Variants in LOC128462377 observed in about 807,000 individuals in gnomAD.
chr16:89,331,068 C>G, the LOC128462377 span, among the ~76,000 whole-genome samples: 2 of 152,198 alleles, frequency 1.3e-5, no homozygotes, highest in Non-Finnish European at 2.9e-5. Context: ...ATTCTCCTGC[C>G]TCAGCCTCCT....
chr16:89,322,066 G>A, the LOC128462377 span, among the ~76,000 whole-genome samples: 1 of 152,200 alleles, frequency 6.6e-6, no homozygotes, highest in East Asian at 1.9e-4. Flanking sequence ...GCTTTATGTG[G>A]TCAGGAAGGC....
At chr16:89,409,111 C>T in the LOC128462377 span, among the ~76,000 whole-genome samples, 4 of 152,158 alleles carry the variant, frequency 2.6e-5, no homozygotes, top group Non-Finnish European at 4.4e-5. Flanking sequence ...GCCAGTGAGC[C>T]CTGGGGCCAG....
the LOC128462377 span, among the ~76,000 whole-genome samples, chr16:89,413,561 C>T: frequency 6.6e-6 from 1 of 152,096 alleles, no homozygotes. Context: ...GGAGGCGGAG[C>T]TTGCAGTGAG....
the LOC128462377 span, among the ~76,000 whole-genome samples, chr16:89,364,578 T>C: frequency 6.6e-6 from 1 of 152,224 alleles, no homozygotes; most frequent in Non-Finnish European, 1.5e-5. Context: ...GTCCAATCTT[T>C]TGACCTCCCT....
At chr16:89,377,867 G>A in the LOC128462377 span, among the ~76,000 whole-genome samples, 2 of 145,452 alleles carry the variant, frequency 1.4e-5, no homozygotes, top group East Asian at 4.0e-4. Context: ...TTCCACCCCC[G>A]CCCCATGAGA....
chr16:89,379,198 C>T, the LOC128462377 span, among the ~76,000 whole-genome samples: 3 of 152,360 alleles, frequency 2.0e-5, no homozygotes, highest in South Asian at 4.1e-4. Flanking sequence ...TGGCAGCCGG[C>T]GGGCTAGAAG....
the LOC128462377 span, among the ~76,000 whole-genome samples, chr16:89,337,672 C>T: frequency 6.6e-6 from 1 of 152,040 alleles, no homozygotes; most frequent in African/African-American, 2.4e-5. Flanking sequence ...AATCTCCTGA[C>T]CTCGGGATCC....
At chr16:89,364,877 G>A in the LOC128462377 span, among the ~76,000 whole-genome samples, 205 of 152,302 alleles carry the variant, frequency 1.3e-3, no homozygotes, top group Admixed American at 2.7e-3. Context: ...AGCCTGGCAC[G>A]CAGATGGCCC....
the LOC128462377 span, among the ~76,000 whole-genome samples, chr16:89,400,076 T>C: frequency 8.5e-4 from 66 of 77,414 alleles, 4 homozygotes; most frequent in Admixed American, 2.8e-3. Context: ...GGGCCGGTCA[T>C]CTGCTGCCCC....
chr16:89,387,757 C>T, the LOC128462377 span, among the ~76,000 whole-genome samples: 4 of 149,374 alleles, frequency 2.7e-5, no homozygotes, highest in Non-Finnish European at 5.9e-5. Context: ...AATCCCAACA[C>T]TTTGGGAGGC....
chr16:89,323,571 C>T, the LOC128462377 span, among the ~76,000 whole-genome samples: 1 of 8,684 alleles, frequency 1.2e-4, no homozygotes, highest in African/African-American at 4.2e-4. Context: ...GCTAAGGGCA[C>T]GGGGGCTAAG....
chr16:89,353,891 C>T, the LOC128462377 span, among the ~76,000 whole-genome samples: 1 of 152,252 alleles, frequency 6.6e-6, no homozygotes, highest in South Asian at 2.1e-4. Flanking sequence ...CCTCTGCAGC[C>T]TCTCATGCAG....
At chr16:89,353,997 C>T in the LOC128462377 span, among the ~76,000 whole-genome samples, 1 of 152,180 alleles carries the variant, frequency 6.6e-6, no homozygotes, top group African/African-American at 2.4e-5. Context: ...ACCAGCCCAG[C>T]TGAATGCCCC....
the LOC128462377 span, among the ~76,000 whole-genome samples, chr16:89,351,467 A>C: frequency 6.6e-6 from 1 of 152,176 alleles, no homozygotes; most frequent in Non-Finnish European, 1.5e-5. Flanking sequence ...CACTACACCA[A>C]ATAACTGATT....
chr16:89,359,045 C>T, the LOC128462377 span, among the ~76,000 whole-genome samples: 1 of 151,994 alleles, frequency 6.6e-6, no homozygotes, highest in Non-Finnish European at 1.5e-5. Context: ...ATGTCTAAAT[C>T]GTCAGTATTA....
At chr16:89,356,602 T>G in the LOC128462377 span, among the ~76,000 whole-genome samples, 7 of 144,980 alleles carry the variant, frequency 4.8e-5, no homozygotes. Context: ...AAACCCCATC[T>G]CTACTAAAAA....
At chr16:89,357,668 C>T in the LOC128462377 span, among the ~76,000 whole-genome samples, 1 of 152,188 alleles carries the variant, frequency 6.6e-6, no homozygotes, top group African/African-American at 2.4e-5. Flanking sequence ...CAGCATAACG[C>T]GACTCAGCCC....
At chr16:89,391,368 A>G in the LOC128462377 span, among the ~76,000 whole-genome samples, 2 of 152,134 alleles carry the variant, frequency 1.3e-5, no homozygotes, top group African/African-American at 4.8e-5. Flanking sequence ...TGCGGGACTC[A>G]GTCCTCTCCC....
chr16:89,404,070 A>G, the LOC128462377 span, among the ~76,000 whole-genome samples: 1 of 152,254 alleles, frequency 6.6e-6, no homozygotes, highest in Non-Finnish European at 1.5e-5. Context: ...AAACTCTCAG[A>G]GCAAACGCTG....
Sources: gnomAD v4.1 joint callset for allele counts (sites outside exome capture counted in the v4.1 genomes callset) on GRCh38, gnomAD v4.1.1 for gene constraint, MANE v1.5 for transcripts.